Variants in TIAM1 observed in about 807,000 individuals in gnomAD.
The protein encoded by TIAM1 is TIAM Rac1 associated GEF 1.
A neutral mutation model predicts 163.5 loss-of-function variants in TIAM1; 65 were observed. That is an observed-to-expected ratio of 0.40 (90% CI 0.33 to 0.49). TIAM1 has a LOEUF of 0.49. Ranked by LOEUF, TIAM1 falls within the 20% of genes least tolerant of loss-of-function variation. The probability of loss-of-function intolerance (pLI) is 0.77; values close to 1 mark genes in which losing one functional copy is unlikely to be tolerated. For synonymous variants in TIAM1, 833 were observed against 810.1 expected, an observed-to-expected ratio of 1.03 and a Z score of -0.48; for missense variants, 1,789 against 2,044.7, an observed-to-expected ratio of 0.87 and a Z score of 2.41.
At chr21:31,336,212 G>A (rs2075833744) in intron 2 of TIAM1, among the ~76,000 whole-genome samples, 1 of 152,178 alleles carries the variant, frequency 6.6e-6, no homozygotes, top group African/African-American at 2.4e-5. Flanking sequence ...ACATATTTCT[G>A]TTATCTTTCG....
chr21:31,456,916 T>G (rs138592191), intron 2 of TIAM1, among the ~76,000 whole-genome samples: 1 of 152,224 alleles, frequency 6.6e-6, no homozygotes, highest in South Asian at 2.1e-4. Context: ...TCACAGTTGT[T>G]GTGTTCAAAT....
At chr21:31,547,175 T>G (rs2048526785) in intron 1 of TIAM1, among the ~76,000 whole-genome samples, 1 of 152,180 alleles carries the variant, frequency 6.6e-6, no homozygotes, top group South Asian at 2.1e-4. Context: ...ATAAGCTACA[T>G]TAACTGGTCC....
chr21:31,181,753 CTTCTTTTTTTTTTT>C (rs2085028287), intron 15 of TIAM1, among the ~76,000 whole-genome samples: 9 of 39,440 alleles, frequency 2.3e-4, no homozygotes, highest in African/African-American at 6.1e-4. Flanking sequence ...TCTTCTTCTT[CTTCTTTTTTTTTTT>C]TTTTTTTTTT....
intron 2 of TIAM1, among the ~76,000 whole-genome samples, chr21:31,325,077 C>T (rs1236523031): frequency 3.3e-5 from 5 of 151,118 alleles, no homozygotes; most frequent in African/African-American, 4.9e-5. Flanking sequence ...CCCAGGAGTT[C>T]GAGACCAGCC....
In TIAM1 at chr21:31,141,077, G is replaced by A. The variant is rs111611814; in HGVS notation, c.3774+41C>T. ...AATAAATAAAAGCAAACTCAAACTCGGCTTTCCTGACAGATGTCCTGAGAA... is the reference window on the plus strand; with the variant it reads ...AATAAATAAAAGCAAACTCAAACTCAGCTTTCCTGACAGATGTCCTGAGAA... On this transcript the variant is annotated intron_variant, in intron 22 of 27. Transcript: ENST00000541036. This position sits in a 1 kb window ranked among gnomAD's most constrained non-coding sequence, Gnocchi z 4.7. The A allele has an allele frequency of 1.5e-3, 2,175 of 1,464,030 alleles. 21 individuals carry two copies. The African/African-American group carries it at 0.021, about 14-fold the overall frequency. The allele number at this position is 1,464,030 out of a possible 1,614,324, so 90.7% of individuals were successfully genotyped here. A position where few individuals can be genotyped will look rare whatever the true frequency, so the allele number is the denominator to read the frequency against.
intron 11 of TIAM1, among the ~76,000 whole-genome samples, chr21:31,207,916 C>G (rs1020403377): frequency 6.6e-6 from 1 of 152,154 alleles, no homozygotes; most frequent in Non-Finnish European, 1.5e-5. Flanking sequence ...AAGCTTGTTC[C>G]ACATCACGTT....
intron 2 of TIAM1, among the ~76,000 whole-genome samples, chr21:31,374,316 T>C (rs2300357): frequency 0.069 from 10,540 of 152,210 alleles, 589 homozygotes; most frequent in East Asian, 0.29. Flanking sequence ...GATCAAAAAC[T>C]ATCCACTACA....
At chr21:31,340,898 A>T (rs996899017) in intron 1 of TIAM1, among the ~76,000 whole-genome samples, 39 of 152,152 alleles carry the variant, frequency 2.6e-4, no homozygotes, top group African/African-American at 9.4e-4. Context: ...TGGGAAAGTA[A>T]GATAAAAATT....
In TIAM1 at chr21:31,278,052, C is replaced by T. The variant is rs550203567; in HGVS notation, c.-188-1144G>A. Among the ~76,000 whole-genome samples the T allele has an allele frequency of 2.0e-5, 3 of 152,222 alleles. No homozygotes were observed. The East Asian group carries it at 5.8e-4, about 29-fold the overall frequency. ...AAACAGGTTACTACAGAATGATTCC[C>T]ATGTCCCACTCAATCTTCAGAGTCT... On this transcript the variant is annotated intron_variant, in intron 2 of 27. Transcript: ENST00000541036.
intron 2 of TIAM1, among the ~76,000 whole-genome samples, chr21:31,369,048 A>C (rs1818123734): frequency 6.9e-6 from 1 of 145,712 alleles, no homozygotes; most frequent in South Asian, 2.1e-4. Flanking sequence ...GACATGGTGA[A>C]ACCCCATCTC....
intron 1 of TIAM1, among the ~76,000 whole-genome samples, chr21:31,476,059 C>T (rs929187364): frequency 2.6e-5 from 4 of 152,166 alleles, no homozygotes; most frequent in Non-Finnish European, 5.9e-5. Context: ...TCAATTAAGA[C>T]ATTTCTGTTG....
intron 2 of TIAM1, among the ~76,000 whole-genome samples, chr21:31,375,155 A>C (rs2076662201): frequency 6.6e-6 from 1 of 152,232 alleles, no homozygotes; most frequent in South Asian, 2.1e-4. Flanking sequence ...ACTAAATAAT[A>C]TTCTAAGAAA....
At chr21:31,536,927 G>A (rs1415865963) in intron 1 of TIAM1, among the ~76,000 whole-genome samples, 2 of 152,234 alleles carry the variant, frequency 1.3e-5, no homozygotes, top group African/African-American at 4.8e-5. Flanking sequence ...CAGAGACGTT[G>A]ATTGTCACAG....
chr21:31,171,035 CAAAAAAAAAAAAAAA>C lies in TIAM1; in HGVS notation c.2888-5985_2888-5971del, dbSNP rs34291568. Among the ~76,000 whole-genome samples, 7 of 19,572 alleles carry C rather than the reference CAAAAAAAAAAAAAAA, an allele frequency of 3.6e-4. 1 individual carries two copies. Among genetic ancestry groups the C allele is most frequent in the Admixed American group, 2.7e-3 (4 of 1,498 alleles). The allele number at this position is 19,572 out of a possible 152,430, so 12.8% of individuals were successfully genotyped here. ...TGGGTGACAGAGTGAGACTCCATCTCAAAAAAAAAAAAAAAAAAAAAAAAAAATTGGGGGCCATCT... is the reference window on the plus strand; with the variant it reads ...TGGGTGACAGAGTGAGACTCCATCTCAAAAAAAAAAAATTGGGGGCCATCT... On this transcript the variant is annotated intron_variant, in intron 15 of 27. Transcript: ENST00000541036.
intron 2 of TIAM1, among the ~76,000 whole-genome samples, chr21:31,361,989 T>C (rs1199377826): frequency 6.6e-6 from 1 of 152,146 alleles, no homozygotes; most frequent in Non-Finnish European, 1.5e-5. Context: ...TATACATATA[T>C]GACTGACATA....
At chr21:31,474,575 C>T (rs2045869110) in intron 1 of TIAM1, among the ~76,000 whole-genome samples, 1 of 145,876 alleles carries the variant, frequency 6.9e-6, no homozygotes, top group South Asian at 2.1e-4. Context: ...GATGGAGTTT[C>T]ACTCTTGTTG....
At chr21:31,366,036 G>A (rs1407515131) in intron 2 of TIAM1, among the ~76,000 whole-genome samples, 4 of 136,594 alleles carry the variant, frequency 2.9e-5, no homozygotes, top group Admixed American at 8.0e-5. Flanking sequence ...GCAGTGAGCC[G>A]AGGTAGCTCC....
intron 2 of TIAM1, among the ~76,000 whole-genome samples, chr21:31,285,794 G>A (rs2073785917): frequency 6.6e-6 from 1 of 152,164 alleles, no homozygotes; most frequent in Non-Finnish European, 1.5e-5. Context: ...CCAGGAGGTG[G>A]AGGCTGCAGT....
Position 31,195,292 on chromosome 21 carries a change from A to G in TIAM1, c.2507T>C (p.Ile836Thr). The G allele has an allele frequency of 6.2e-7, 1 of 1,612,624 alleles. No homozygotes were observed. The highest frequency in any genetic ancestry group is 8.5e-7 in the Non-Finnish European group (1 of 1,179,026). ...CTGAGTGACTTTTGGACAGATTTCA[A>G]TTTCTTTGTACAGCTGAAAGTTACA... ...EDIYELLYKE[I>T]EICPKVTQSI... Residue 836 changes from isoleucine to threonine, a missense_variant, in exon 13 of 28, where the codon ATT becomes ACT. Ile to Thr is a moderately conservative substitution (Grantham distance 89). Transcript: ENST00000541036.
Sources: gnomAD v4.1 joint callset for allele counts (sites outside exome capture counted in the v4.1 genomes callset) on GRCh38, gnomAD v4.1.1 for gene constraint, Gnocchi (gnomAD v3.1) non-coding constraint, MANE v1.5 for transcripts, NCBI Gene and HGNC (gene_info 2026-07-23, HGNC 2026-07-21) for gene names.